The following PACRG variants were observed in gnomAD, a reference collection of about 807,000 sequenced individuals.
PACRG encodes the protein parkin coregulated, also known as parkin coregulated gene protein.
Under a neutral mutation model 29.7 loss-of-function variants are expected in PACRG, and 29 were observed. That is an observed-to-expected ratio of 0.98 (90% CI 0.73 to 1.33). PACRG has a LOEUF of 1.33. PACRG is among the 40% of genes most tolerant of loss of function. The probability of loss-of-function intolerance (pLI) is 0.00; values close to 1 mark genes in which losing one functional copy is unlikely to be tolerated. For synonymous variants in PACRG, 116 were observed against 118.7 expected (o/e 0.98, Z 0.15); for missense variants, 279 against 316.2 (o/e 0.88, Z 0.89).
At chr6:162,915,524 G>A (rs184089969) in intron 2 of PACRG, among the ~76,000 whole-genome samples, 17 of 152,038 alleles carry the variant, frequency 1.1e-4, no homozygotes, top group Non-Finnish European at 2.2e-4. Flanking sequence ...TACCTATTGT[G>A]ATATTTTTAT....
chr6:162,998,443 G>T (rs1317884877), intron 2 of PACRG, among the ~76,000 whole-genome samples: 1 of 152,046 alleles, frequency 6.6e-6, no homozygotes, highest in East Asian at 1.9e-4. Context: ...AATGTGAGCA[G>T]GTATTTGTTA....
intron 2 of PACRG, among the ~76,000 whole-genome samples, chr6:162,898,621 G>A (rs1197707162): frequency 6.6e-6 from 1 of 152,136 alleles, no homozygotes; most frequent in Non-Finnish European, 1.5e-5. Context: ...TAATCTCTCT[G>A]TGTCTATTTT....
chr6:162,988,912 A>T (rs1344870422), intron 2 of PACRG, among the ~76,000 whole-genome samples: 1 of 152,218 alleles, frequency 6.6e-6, no homozygotes, highest in Non-Finnish European at 1.5e-5. Flanking sequence ...TTGTGGGGGC[A>T]AATAGGCAGG....
intron 2 of PACRG, among the ~76,000 whole-genome samples, chr6:162,982,881 T>C (rs1802553496): frequency 6.6e-6 from 1 of 152,104 alleles, no homozygotes; most frequent in African/African-American, 2.4e-5. Context: ...CTTGGTGACA[T>C]GTCTAGTGCA....
chr6:163,302,035 G>C (rs757156794), intron 4 of PACRG, among the ~76,000 whole-genome samples: 5 of 152,088 alleles, frequency 3.3e-5, no homozygotes, highest in Non-Finnish European at 5.9e-5. Context: ...CTAAACTGAG[G>C]AATTTTAAGA....
intron 2 of PACRG, among the ~76,000 whole-genome samples, chr6:162,842,597 T>C (rs1241537393): frequency 1.4e-5 from 2 of 138,296 alleles, no homozygotes; most frequent in South Asian, 2.5e-4. Flanking sequence ...TCCATTTACA[T>C]TTAAAGTTAA....
In PACRG at chr6:162,995,493, G is replaced by A. The variant is rs1413776138; in HGVS notation, c.292-66657G>A. 2.6e-5 allele frequency among the ~76,000 whole-genome samples: 4 copies of A among 152,186 alleles called. No individual in the cohort carries two copies. In the East Asian group the frequency reaches 7.7e-4, roughly 29 times the overall value. ...AAAAGCGCAGTATTCGGGTGGGAGT[G>A]ACCCGATTTTCCAGGTGCGTCCGTC... On this transcript the variant is annotated intron_variant, in intron 2 of 4. Coordinates refer to ENST00000366888, the MANE Select transcript of PACRG (RefSeq NM_001080379.2).
chr6:163,228,529 T>A (rs1781899638), intron 4 of PACRG, among the ~76,000 whole-genome samples: 1 of 152,204 alleles, frequency 6.6e-6, no homozygotes, highest in African/African-American at 2.4e-5. Flanking sequence ...ATTAAGATAG[T>A]GCACGGGTGC....
At chr6:163,300,688 C>T (rs376804532) in intron 4 of PACRG, among the ~76,000 whole-genome samples, 35 of 152,256 alleles carry the variant, frequency 2.3e-4, no homozygotes, top group Non-Finnish European at 3.2e-4. Context: ...ATCAGGAAAC[C>T]GGAATATAAA....
intron 3 of PACRG, among the ~76,000 whole-genome samples, chr6:163,075,239 G>T (rs748497722): frequency 6.6e-6 from 1 of 152,050 alleles, no homozygotes; most frequent in Non-Finnish European, 1.5e-5. Context: ...TACAACAAAT[G>T]AAGAAATTAA....
intron 2 of PACRG, chr6:163,053,819 C>T (rs1810277684): frequency 1.3e-5 from 2 of 152,182 alleles, no homozygotes; most frequent in Non-Finnish European, 2.9e-5. Flanking sequence ...AGCCACTCAT[C>T]ATCTGGTCAT....
intron 1 of PACRG, among the ~76,000 whole-genome samples, chr6:162,755,484 G>C (rs532353665): frequency 6.6e-6 from 1 of 151,954 alleles, no homozygotes; most frequent in Non-Finnish European, 1.5e-5. Flanking sequence ...TGCCCAGGTT[G>C]GAGTGCAGTG....
intron 4 of PACRG, among the ~76,000 whole-genome samples, chr6:163,182,240 C>A (rs1344570735): frequency 1.3e-5 from 2 of 152,162 alleles, no homozygotes; most frequent in African/African-American, 4.8e-5. Flanking sequence ...GTTTTTCTTG[C>A]CCATTTCTGC....
intron 4 of PACRG, among the ~76,000 whole-genome samples, chr6:163,143,328 G>C (rs1364282301): frequency 1.3e-5 from 2 of 152,216 alleles, no homozygotes; most frequent in African/African-American, 2.4e-5. Flanking sequence ...GTCTCAGCTT[G>C]ATGATGGTGT....
intron 4 of PACRG, among the ~76,000 whole-genome samples, chr6:163,292,202 C>T (rs1030640443): frequency 6.6e-6 from 1 of 152,110 alleles, no homozygotes; most frequent in African/African-American, 2.4e-5. Context: ...AGACCGACCT[C>T]GACAGTCGAG....
intron 2 of PACRG, among the ~76,000 whole-genome samples, chr6:162,947,614 A>ATGAT (rs1799289570): frequency 6.6e-5 from 1 of 15,054 alleles, no homozygotes; most frequent in African/African-American, 2.6e-4. Context: ...ATATAATCAT[A>ATGAT]TATATATATA....
chr6:162,874,126 A>C (rs986043531), intron 2 of PACRG, among the ~76,000 whole-genome samples: 3 of 111,138 alleles, frequency 2.7e-5, no homozygotes, highest in Non-Finnish European at 5.5e-5. Context: ...ATCAGGCAAA[A>C]ACATGAGGGA....
chr6:163,065,532 A>G (rs1255315069), intron 3 of PACRG, among the ~76,000 whole-genome samples: 2 of 152,176 alleles, frequency 1.3e-5, no homozygotes, highest in African/African-American at 4.8e-5. Flanking sequence ...CTCCTCAATA[A>G]AAGTGAGAAC....
chr6:162,956,377 G>A (rs1444159811), intron 2 of PACRG, among the ~76,000 whole-genome samples: 2 of 152,284 alleles, frequency 1.3e-5, no homozygotes, highest in Non-Finnish European at 1.5e-5. Context: ...CCCTTAATCA[G>A]CTTCACCACG....
Sources: allele counts gnomAD v4.1 joint callset (sites outside exome capture counted in the v4.1 genomes callset), GRCh38; gene constraint gnomAD v4.1.1; transcripts MANE v1.5; gene names NCBI Gene and HGNC (gene_info 2026-07-23, HGNC 2026-07-21).